The following VPS8 variants were observed in gnomAD, a reference collection of about 807,000 sequenced individuals.
VPS8 encodes the protein vacuolar protein sorting-associated protein 8 homolog.
A neutral mutation model predicts 216.4 loss-of-function variants in VPS8; 129 were observed. The ratio of observed to expected loss-of-function variants is 0.60; its 90% CI spans 0.52 to 0.69. The LOEUF (loss-of-function observed/expected upper bound fraction) is 0.69, where lower values mean the gene tolerates loss of function less well. VPS8 is among the 30% of genes least tolerant of loss of function. The pLI is 0.00. For missense variants in VPS8, 1,531 were observed against 1,683.5 expected, an observed-to-expected ratio of 0.91 and a Z score of 1.59; for synonymous variants, 571 against 565.4, an observed-to-expected ratio of 1.01 and a Z score of -0.14.
intron 7 of VPS8, among the ~76,000 whole-genome samples, chr3:184,842,165 T>C (rs9837279): frequency 0.27 from 30,373 of 113,010 alleles, 5,626 homozygotes; most frequent in African/African-American, 0.56. Context: ...CCAGCCTGGG[T>C]GACAGAGCGA....
At chr3:184,923,111 T>G (rs754003692) in intron 29 of VPS8, among the ~76,000 whole-genome samples, 1 of 152,056 alleles carries the variant, frequency 6.6e-6, no homozygotes, top group Non-Finnish European at 1.5e-5. Flanking sequence ...CTAGGGAATG[T>G]TGTATAATGG....
chr3:184,987,484 T>A (rs1319585265), intron 42 of VPS8, among the ~76,000 whole-genome samples: 1 of 152,002 alleles, frequency 6.6e-6, no homozygotes, highest in African/African-American at 2.4e-5. Flanking sequence ...AATCATAGAG[T>A]GCGTAGTCTT....
At position 184,893,366 on chromosome 3, in the gene VPS8, C is replaced by A; in HGVS notation, c.1782-1337C>A. 4.2e-6 allele frequency: 5 copies of A among 1,197,846 alleles called. No individual in the cohort carries two copies. In the South Asian group the frequency reaches 5.7e-5, roughly 14 times the overall value. The allele number at this position is 1,197,846 out of a possible 1,614,324, so 74.2% of individuals were successfully genotyped here. ...CACTTTCTACAATTGACATGATATA[C>A]ATATAAAGAAATTACACATTTAGGA... On this transcript the variant is annotated intron_variant, in intron 22 of 47. Transcript: ENST00000625842.
chr3:184,977,911 TGC>T (rs1749570938), intron 40 of VPS8, among the ~76,000 whole-genome samples: 1 of 148,272 alleles, frequency 6.7e-6, no homozygotes, highest in Non-Finnish European at 1.5e-5. Flanking sequence ...ATTGTGTCTC[TGC>T]CAGGTTTTGG....
chr3:184,848,713 C>T (rs141294160), intron 8 of VPS8, among the ~76,000 whole-genome samples: 76 of 151,838 alleles, frequency 5.0e-4, no homozygotes, highest in Non-Finnish European at 9.4e-4. Context: ...GGACTACAGG[C>T]GTGGGCCACC....
chr3:184,817,684 A>G (rs1716632501), intron 1 of VPS8, among the ~76,000 whole-genome samples: 1 of 152,234 alleles, frequency 6.6e-6, no homozygotes, highest in African/African-American at 2.4e-5. Flanking sequence ...GGAGCTTAAC[A>G]ATTACAAGTA....
At chr3:184,826,429 G>A (rs906026956) in intron 3 of VPS8, among the ~76,000 whole-genome samples, 198 bp downstream of exon 3, 16 of 152,182 alleles carry the variant, frequency 1.1e-4, no homozygotes, top group Non-Finnish European at 1.9e-4. Flanking sequence ...CATTTCAAGT[G>A]CTCAATAGCC....
chr3:184,834,814 C>T, intron 5 of VPS8, 72 bp downstream of exon 5: 1 of 1,153,146 alleles, frequency 8.7e-7, no homozygotes, highest in South Asian at 1.4e-5. Context: ...GAGCATAGAA[C>T]AAAATACAGC....
In VPS8 at chr3:184,893,506, A is replaced by G. The variant is rs1732767196; in HGVS notation, c.1782-1197A>G. ...GGCAATACAATTTATAAATGAAAAC[A>G]TGGAAAATATTCAATTTTGCTGGTC... is the stretch of plus-strand genomic sequence containing the variant. On this transcript the variant is annotated intron_variant, in intron 22 of 47. Coordinates refer to ENST00000625842, the MANE Select transcript of VPS8 (RefSeq NM_001009921.3). The G allele has an allele frequency of 6.0e-6, 3 of 497,158 alleles. No individual in the cohort carries two copies. In the South Asian group the frequency reaches 1.7e-4, roughly 28 times the overall value. 30.8% of individuals were successfully genotyped at this position (497,158 alleles called of 1,614,324 possible).
At chr3:184,816,834 C>T (rs1716426340) in intron 1 of VPS8, among the ~76,000 whole-genome samples, 1 of 152,118 alleles carries the variant, frequency 6.6e-6, no homozygotes, top group African/African-American at 2.4e-5. Flanking sequence ...AGCAGCTGAC[C>T]ATCTCCTATT....
At chr3:184,893,424 T>C in intron 22 of VPS8, 1 of 967,334 alleles carries the variant, frequency 1.0e-6, no homozygotes, top group Middle Eastern at 3.8e-4. Flanking sequence ...TAAATAAAAT[T>C]CACACAGTTT....
intron 24 of VPS8, among the ~76,000 whole-genome samples, chr3:184,899,151 T>C (rs997550371): frequency 6.6e-6 from 1 of 152,226 alleles, no homozygotes; most frequent in African/African-American, 2.4e-5. Context: ...TTCATTCTAA[T>C]TTTTTATTCT....
chr3:184,918,969 C>T (rs1294440932), intron 28 of VPS8: 1 of 152,106 alleles, frequency 6.6e-6, no homozygotes, highest in Non-Finnish European at 1.5e-5. Context: ...CCTACAGTCT[C>T]CTTGGTAACT....
chr3:184,999,803 T>C lies in VPS8; in HGVS notation c.3944T>C (p.Val1315Ala), dbSNP rs369122949. The C allele has an allele frequency of 3.7e-6, 6 of 1,612,656 alleles. No homozygotes were observed. In the Admixed American group the frequency reaches 5.0e-5, roughly 13 times the overall value. The change falls in exon 45 of 48, where the codon GTA becomes GCA. Residue 1315 changes from valine to alanine, a missense_variant. Physicochemically the swap from Val to Ala is moderately conservative, Grantham distance 64 (BLOSUM62 0). This residue lies in a region of VPS8 where 1,318 missense variants were observed against 1,468.4 expected (regional missense o/e 0.90). Transcript: ENST00000625842. ...TCYKCSSSNK[V>A]GKLSENSSEI... ...TACAAATGCAGTTCAAGTAACAAAG[T>C]AGGAAAACTCAGTGAAAATTCATCT...
chr3:184,998,567 A>C, intron 44 of VPS8, among the ~76,000 whole-genome samples: 1 of 141,140 alleles, frequency 7.1e-6, no homozygotes. Flanking sequence ...AAGGGAAGAA[A>C]AAAGAAAAAG....
chr3:184,854,215 T>C (rs1200510271), intron 13 of VPS8, 42 bp downstream of exon 13: 7 of 1,605,456 alleles, frequency 4.4e-6, no homozygotes, highest in African/African-American at 2.7e-5. Context: ...GGAAGGACCA[T>C]GTCAGGAGGT....
At chr3:184,944,535 A>G in intron 36 of VPS8, 1 of 985,428 alleles carries the variant, frequency 1.0e-6, no homozygotes. Flanking sequence ...GGATAATACA[A>G]AAGGACACGT....
In VPS8 at chr3:184,979,821, T is replaced by C. The variant is rs146155854; in HGVS notation, c.3421-2745T>C. Among the ~76,000 whole-genome samples the C allele has an allele frequency of 5.9e-5, 9 of 152,356 alleles. No homozygotes were observed. The East Asian group carries it at 1.7e-3, about 29-fold the overall frequency. ...TATGTTCAAGGATACTATTGTTATG[T>C]GCAGATTTGATCCTGTCATCATGTG... is the stretch of plus-strand genomic sequence containing the variant. On this transcript the variant is annotated intron_variant, in intron 40 of 47. Transcript: ENST00000625842.
intron 45 of VPS8, among the ~76,000 whole-genome samples, chr3:185,016,436 GCTTGTC>G (rs1241288765): frequency 6.6e-6 from 1 of 152,154 alleles, no homozygotes; most frequent in East Asian, 1.9e-4. Context: ...GGGTTCAATT[GCTTGTC>G]CTACATACGT....
Sources: gnomAD v4.1 joint callset for allele counts (sites outside exome capture counted in the v4.1 genomes callset) on GRCh38, gnomAD v4.1.1 for gene constraint, gnomAD v4.1.1 regional missense constraint, MANE v1.5 for transcripts, NCBI Gene and HGNC (gene_info 2026-07-23, HGNC 2026-07-21) for gene names.